The following TSPEAR variants were observed in gnomAD, a reference collection of about 807,000 sequenced individuals.
TSPEAR encodes thrombospondin-type laminin G domain and EAR repeat-containing protein.
A neutral mutation model predicts 71.6 loss-of-function variants in TSPEAR; 69 were observed. The ratio of observed to expected loss-of-function variants is 0.96; its 90% confidence interval spans 0.79 to 1.18. TSPEAR has a LOEUF of 1.18. Ranked by LOEUF, TSPEAR falls within the 50% of genes most tolerant of loss-of-function variation. The pLI is 0.00. For synonymous variants in TSPEAR, 402 were observed against 387.2 expected (o/e 1.04, Z -0.45); for missense variants, 971 against 894.9 (o/e 1.09, Z -1.09).
intron 1 of TSPEAR, among the ~76,000 whole-genome samples, chr21:44,620,299 C>T (rs190336049): frequency 6.6e-6 from 1 of 152,306 alleles, no homozygotes; most frequent in African/African-American, 2.4e-5. Context: ...TGAAAGATGT[C>T]CCTTACAAGA....
At position 44,522,034 on chromosome 21, in the gene TSPEAR, G is replaced by A. The variant is rs2145961253; in HGVS notation, c.1415C>T (p.Ala472Val). The change falls in exon 9 of 12, where the codon GCC becomes GTC. Residue 472 changes from alanine to valine, a missense_variant. Physicochemically the swap from Ala to Val is moderately conservative, Grantham distance 64. Transcript: ENST00000323084. ...TRLFEANQTI[A>V]TSGAYDWEFF... ...CTCCCAGTCGTAGGCGCCGGAGGTG[G>A]CGATGGTCTGGTTGGCCTCGAAGAG... 1 of 1,614,178 alleles carries A rather than the reference G, an allele frequency of 6.2e-7. No homozygotes were observed. Among genetic ancestry groups the A allele is most frequent in the Non-Finnish European group, 8.5e-7 (1 of 1,180,014 alleles).
chr21:44,656,210 G>A (rs1441940537), intron 1 of TSPEAR, among the ~76,000 whole-genome samples: 7 of 152,166 alleles, frequency 4.6e-5, no homozygotes, highest in East Asian at 3.9e-4. Flanking sequence ...CTTACGAGTC[G>A]ATTACAGAAG....
chr21:44,534,522 G>T (rs1555916177), intron 2 of TSPEAR, among the ~76,000 whole-genome samples: 1 of 151,872 alleles, frequency 6.6e-6, no homozygotes, highest in East Asian at 1.9e-4. Context: ...TGCTGGGCCA[G>T]GGGCAAGGCT....
At chr21:44,560,911 C>T (rs982000416) in intron 2 of TSPEAR, among the ~76,000 whole-genome samples, 6 of 152,106 alleles carry the variant, frequency 3.9e-5, no homozygotes, top group Non-Finnish European at 7.4e-5. Context: ...CCTAACATCA[C>T]AATTAAAAGA....
At chr21:44,699,628 C>T (rs782510323) in intron 1 of TSPEAR, among the ~76,000 whole-genome samples, 40 of 152,134 alleles carry the variant, frequency 2.6e-4, no homozygotes, top group Non-Finnish European at 4.3e-4. Flanking sequence ...GCCCCTGCTG[C>T]GCCTGGCCCT....
intron 1 of TSPEAR, among the ~76,000 whole-genome samples, chr21:44,682,542 A>G (rs541397397): frequency 1.3e-5 from 2 of 152,346 alleles, no homozygotes; most frequent in Admixed American, 1.3e-4. Flanking sequence ...CCAGAACTGA[A>G]TATAGACAAT....
At chr21:44,654,415 T>C (rs781917482) in intron 1 of TSPEAR, 2 of 1,614,096 alleles carry the variant, frequency 1.2e-6, no homozygotes, top group East Asian at 4.5e-5. Flanking sequence ...GCAGGCCACC[T>C]GGCAGGGGCT....
Position 44,604,642 on chromosome 21 carries a change from G to A in TSPEAR, c.83-36637C>T, listed in dbSNP as rs115456857. 2.3e-3 allele frequency among the ~76,000 whole-genome samples: 352 copies of A among 152,342 alleles called. 2 individuals are homozygous for A. The highest frequency in any genetic ancestry group is 8.1e-3 in the African/African-American group (335 of 41,580). On this transcript the variant is annotated intron_variant, in intron 1 of 11. Coordinates refer to ENST00000323084, the MANE Select transcript of TSPEAR (RefSeq NM_144991.3). ...GCACCACGTTAAATAGAAGTGACAA[G>A]AGTGGGCATCCTTGCCTTGTTTTTG...
intron 2 of TSPEAR, among the ~76,000 whole-genome samples, chr21:44,559,621 T>C (rs2053604905): frequency 6.6e-6 from 1 of 152,220 alleles, no homozygotes; most frequent in African/African-American, 2.4e-5. Context: ...TGTTGGCTCC[T>C]GGACATTGTC....
intron 1 of TSPEAR, among the ~76,000 whole-genome samples, chr21:44,653,066 A>G (rs1984909688): frequency 6.6e-6 from 1 of 152,082 alleles, no homozygotes; most frequent in African/African-American, 2.4e-5. Flanking sequence ...GCTGAGGCAG[A>G]AGAATGGCGT....
intron 1 of TSPEAR, among the ~76,000 whole-genome samples, chr21:44,649,964 G>C (rs1372991843): frequency 1.3e-5 from 2 of 152,210 alleles, no homozygotes; most frequent in Non-Finnish European, 2.9e-5. Flanking sequence ...GCGCATGCCT[G>C]TAATCTCAGC....
At chr21:44,574,561 A>T (rs781802765) in intron 1 of TSPEAR, 2 of 1,601,956 alleles carry the variant, frequency 1.2e-6, no homozygotes, top group South Asian at 2.2e-5. Context: ...CCCTGCCAGC[A>T]GGCTTGCTGT....
In TSPEAR at chr21:44,533,693, C is replaced by T. The variant is rs148713881; in HGVS notation, c.534G>A (p.Pro178=). The part of the protein sequence containing the change: ...VFSLTTDCGL[P]VDIMADVPFP... ...CCCGGGTGGGTACCTACATGTCCACCGGGAGGCCGCAGTCCGTGGTGAGGG... is the reference window on the plus strand; with the variant it reads ...CCCGGGTGGGTACCTACATGTCCACTGGGAGGCCGCAGTCCGTGGTGAGGG... The change falls in exon 3 of 12, where the codon CCG becomes CCA. Residue 178 remains proline, a synonymous_variant. Coordinates refer to ENST00000323084, the MANE Select transcript of TSPEAR (RefSeq NM_144991.3). The T allele has an allele frequency of 1.5e-3, 2,385 of 1,607,120 alleles. 28 individuals are homozygous for T. In the African/African-American group the frequency reaches 0.028, roughly 19 times the overall value.
Position 44,522,038 on chromosome 21 carries a change from T to G in TSPEAR, c.1411A>C (p.Ile471Leu). The G allele has an allele frequency of 6.2e-7, 1 of 1,614,146 alleles. No homozygotes were observed. The highest frequency in any genetic ancestry group is 8.5e-7 in the Non-Finnish European group (1 of 1,180,006). ...CAGTCGTAGGCGCCGGAGGTGGCGATGGTCTGGTTGGCCTCGAAGAGCCGG... is the reference window on the plus strand; with the variant it reads ...CAGTCGTAGGCGCCGGAGGTGGCGAGGGTCTGGTTGGCCTCGAAGAGCCGG... The part of the protein sequence containing the change: ...ATRLFEANQT[I>L]ATSGAYDWEF... Residue 471 changes from isoleucine to leucine, a missense_variant, in exon 9 of 12, where the codon ATC (isoleucine) becomes CTC (leucine). Ile to Leu is a conservative substitution (Grantham distance 5). Transcript: ENST00000323084.
rs782514273 is a variant in TSPEAR, at chr21:44,676,922, G to A, written c.82+34511C>T. On this transcript the variant is annotated intron_variant, in intron 1 of 11. Transcript: ENST00000323084. ...AGCTGATCGATGTGACGATGTGCACGGGCAATCAGGGAGTTCAGATCATCA... is the reference window on the plus strand; with the variant it reads ...AGCTGATCGATGTGACGATGTGCACAGGCAATCAGGGAGTTCAGATCATCA... The A allele has an allele frequency of 1.0e-4, 92 of 876,732 alleles. 1 individual carries two copies. Among genetic ancestry groups the A allele is most frequent in the Non-Finnish European group, 1.4e-4 (71 of 509,022 alleles). The allele number at this position is 876,732 out of a possible 1,614,324, so 54.3% of individuals were successfully genotyped here. A position where few individuals can be genotyped will look rare whatever the true frequency, so the allele number is the denominator to read the frequency against.
intron 2 of TSPEAR, chr21:44,538,925 G>A (rs1461586236): frequency 5.3e-6 from 2 of 377,506 alleles, no homozygotes; most frequent in African/African-American, 4.0e-5. Flanking sequence ...ATGGCTGGAG[G>A]AGACCAATGT....
intron 1 of TSPEAR, among the ~76,000 whole-genome samples, chr21:44,683,999 A>T (rs1307840564): frequency 6.6e-6 from 1 of 152,346 alleles, no homozygotes; most frequent in Non-Finnish European, 1.5e-5. Flanking sequence ...AATCTCAGAA[A>T]GCCCCCAGTA....
chr21:44,573,711 C>T, intron 1 of TSPEAR: 1 of 1,587,272 alleles, frequency 6.3e-7, no homozygotes, highest in Middle Eastern at 1.7e-4. Flanking sequence ...CGCTCACCCA[C>T]TCCCTCCCAT....
rs201625734 is a variant in TSPEAR, at chr21:44,666,870, C to A, written c.82+44563G>T. On this transcript the variant is annotated intron_variant, in intron 1 of 11. Transcript: ENST00000323084. ...GCAGGCTGGCTGGCAGCCCGAGGAG[C>A]AGCTGGTATGACACATGGTGGCGTG... is the stretch of plus-strand genomic sequence containing the variant. 1,646 of 1,613,602 alleles carry A rather than the reference C, an allele frequency of 1.0e-3. 1 individual carries two copies. The highest frequency in any genetic ancestry group is 1.3e-3 in the Non-Finnish European group (1,546 of 1,179,690).
Sources: gnomAD v4.1 joint callset for allele counts (sites outside exome capture counted in the v4.1 genomes callset) on GRCh38, gnomAD v4.1.1 for gene constraint, MANE v1.5 for transcripts, NCBI Gene and HGNC (gene_info 2026-07-23, HGNC 2026-07-21) for gene names.